The following ATP2B2 variants were observed in gnomAD, a reference collection of about 807,000 sequenced individuals.
ATP2B2 encodes ATPase plasma membrane Ca2+ transporting 2.
ATP2B2 carries 15 observed loss-of-function variants against 120.0 expected under a neutral mutation model. The observed-to-expected ratio is 0.12, with a 90% CI of 0.08 to 0.19. The LOEUF (loss-of-function observed/expected upper bound fraction) is 0.19, where lower values mean the gene tolerates loss of function less well. Among genes scored for constraint, ATP2B2 ranks in the 10% least tolerant of loss-of-function variants. The probability of loss-of-function intolerance (pLI) is 1.00; values close to 1 mark genes in which losing one functional copy is unlikely to be tolerated. For missense variants in ATP2B2, 1,045 were observed against 1,719.8 expected, an observed-to-expected ratio of 0.61 and a Z score of 6.94; for synonymous variants, 694 against 700.3, an observed-to-expected ratio of 0.99 and a Z score of 0.14.
At chr3:10,610,324 G>A (rs74394942) in intron 2 of ATP2B2, among the ~76,000 whole-genome samples, 6,248 of 151,820 alleles carry the variant, frequency 0.041, 197 homozygotes, top group South Asian at 0.083. Flanking sequence ...GCTCACTCAC[G>A]GCTGGCCTCT....
chr3:10,367,142 C>T (rs1307153615), intron 12 of ATP2B2, among the ~76,000 whole-genome samples: 1 of 152,180 alleles, frequency 6.6e-6, no homozygotes, highest in Non-Finnish European at 1.5e-5. Flanking sequence ...CCATTTCTCC[C>T]AGCCTCACCT....
intron 2 of ATP2B2, among the ~76,000 whole-genome samples, chr3:10,594,858 T>A (rs2068728160): frequency 6.6e-6 from 1 of 152,168 alleles, no homozygotes; most frequent in Non-Finnish European, 1.5e-5. Context: ...ATCACCCCCA[T>A]TTTATAGATG....
rs2071214516 is a variant in ATP2B2 at position 10,675,353 on chromosome 3, T to C, written c.-460+32562A>G. On this transcript the variant is annotated intron_variant, in intron 1 of 21. Transcript: ENST00000646379. ...AATGGAATCGTTGACCACGTTCCCTTGTGGGTTTGCCTTCTTTCATTCACC... is the reference window on the plus strand; with the variant it reads ...AATGGAATCGTTGACCACGTTCCCTCGTGGGTTTGCCTTCTTTCATTCACC... 2.0e-5 allele frequency among the ~76,000 whole-genome samples: 3 copies of C among 152,242 alleles called. No individual in the cohort carries two copies. In the South Asian group the frequency reaches 6.2e-4, roughly 31 times the overall value.
chr3:10,626,482 G>C (rs979614003), intron 1 of ATP2B2: 1 of 152,230 alleles, frequency 6.6e-6, no homozygotes, highest in African/African-American at 2.4e-5. Context: ...TGCTTAGTGA[G>C]AACCTGGTGA....
intron 2 of ATP2B2, among the ~76,000 whole-genome samples, chr3:10,435,213 A>G (rs781241819): frequency 8.5e-5 from 13 of 152,052 alleles, no homozygotes; most frequent in Non-Finnish European, 1.5e-4. Flanking sequence ...TCACCCCCCA[A>G]CCGGACCATT....
chr3:10,479,942 A>G (rs2065345104), intron 1 of ATP2B2, among the ~76,000 whole-genome samples: 1 of 152,160 alleles, frequency 6.6e-6, no homozygotes, highest in Non-Finnish European at 1.5e-5. Flanking sequence ...AAAAATTACA[A>G]AAATTAGCCA....
chr3:10,549,975 T>C (rs757682213), intron 2 of ATP2B2, among the ~76,000 whole-genome samples: 75 of 152,364 alleles, frequency 4.9e-4, no homozygotes, highest in Middle Eastern at 6.8e-3. Flanking sequence ...TAAGGCCACA[T>C]AGCAAGAAAA....
Position 10,360,118 on chromosome 3 carries a change from T to C in ATP2B2, c.1665A>G (p.Pro555=), listed in dbSNP as rs1354919808. The part of the protein sequence containing the change: ...NSAYTTKILP[P]EKEGALPRQV... ...GCCGAGGCAGGGCGCCCTCCTTCTC[T>C]GGGGGCTGCAGAGAGAGGAAGGAGC... is the stretch of plus-strand genomic sequence containing the variant. The change falls in exon 13 of 23, where the codon CCA becomes CCG. Residue 555 remains proline (P), a synonymous_variant. Transcript: ENST00000360273. 3.8e-6 allele frequency: 6 copies of C among 1,594,636 alleles called. No homozygotes were observed. Among genetic ancestry groups the C allele is most frequent in the Non-Finnish European group, 5.1e-6 (6 of 1,167,720 alleles).
At chr3:10,331,235 A>T (rs2059970564) in intron 22 of ATP2B2, among the ~76,000 whole-genome samples, 1 of 152,180 alleles carries the variant, frequency 6.6e-6, no homozygotes, top group Admixed American at 6.5e-5. Context: ...CTCTGCAGAG[A>T]TGGTTCATAT....
At chr3:10,611,015 G>A (rs1168246919) in intron 2 of ATP2B2, among the ~76,000 whole-genome samples, 1 of 152,202 alleles carries the variant, frequency 6.6e-6, no homozygotes, top group Non-Finnish European at 1.5e-5. Flanking sequence ...ACTCAACCAG[G>A]ATGCACCCTT....
intron 1 of ATP2B2, among the ~76,000 whole-genome samples, chr3:10,683,074 C>G (rs1004467152): frequency 6.6e-6 from 1 of 151,942 alleles, no homozygotes; most frequent in Admixed American, 6.6e-5. Flanking sequence ...TGTATGTGTA[C>G]TTCACCTCCA....
chr3:10,594,685 G>A (rs2068721355), intron 2 of ATP2B2, among the ~76,000 whole-genome samples: 1 of 149,256 alleles, frequency 6.7e-6, no homozygotes, highest in African/African-American at 2.5e-5. Context: ...CCTGCACGTT[G>A]TGCACATGTA....
At position 10,331,576 on chromosome 3, in the gene ATP2B2, G is replaced by A. The variant is rs1316999655; in HGVS notation, c.3421-2451C>T. ...CTGCTCTGGACAAGACTGTGGGGACGAGACTTTTTGGGACACCCCGCCACG... is the reference window on the plus strand; with the variant it reads ...CTGCTCTGGACAAGACTGTGGGGACAAGACTTTTTGGGACACCCCGCCACG... On this transcript the variant is annotated intron_variant, in intron 22 of 22. Transcript: ENST00000360273. 6.6e-5 allele frequency among the ~76,000 whole-genome samples: 10 copies of A among 151,896 alleles called. No homozygotes were observed. In the East Asian group the frequency reaches 1.4e-3, roughly 21 times the overall value.
At chr3:10,648,761 C>T (rs2125661981) in intron 1 of ATP2B2, among the ~76,000 whole-genome samples, 1 of 152,316 alleles carries the variant, frequency 6.6e-6, no homozygotes, top group South Asian at 2.1e-4. Context: ...ACACTTCTCC[C>T]AGCACCAAAT....
chr3:10,388,589 T>C (rs2061752769), intron 5 of ATP2B2, among the ~76,000 whole-genome samples, 187 bp from the exon 6 acceptor site: 2 of 152,196 alleles, frequency 1.3e-5, no homozygotes. Flanking sequence ...CTCAGGACAG[T>C]GCTGGGGTGG....
intron 1 of ATP2B2, among the ~76,000 whole-genome samples, chr3:10,681,531 C>G (rs1575618566): frequency 6.6e-6 from 1 of 152,254 alleles, no homozygotes; most frequent in East Asian, 1.9e-4. Flanking sequence ...CTCACCTGTT[C>G]ATGCAAACAT....
intron 1 of ATP2B2, among the ~76,000 whole-genome samples, chr3:10,467,910 G>A (rs1299763277): frequency 6.6e-6 from 1 of 152,192 alleles, no homozygotes; most frequent in Non-Finnish European, 1.5e-5. Flanking sequence ...CTGATCCCAG[G>A]AAGGTACCCT....
chr3:10,609,249 G>A (rs146941306), intron 2 of ATP2B2, among the ~76,000 whole-genome samples: 204 of 151,636 alleles, frequency 1.3e-3, no homozygotes, highest in African/African-American at 4.6e-3. Flanking sequence ...CCTGTGCCCT[G>A]GGCTCTGGGA....
exon 1 of ATP2B2, chr3:10,707,947 C>CGACGCT: frequency 6.7e-6 from 1 of 148,884 alleles, no homozygotes; most frequent in South Asian, 1.8e-4. Context: ...ATGCTGCCGC[C>CGACGCT]GCCGCTGCCG....
Sources: gnomAD v4.1 joint callset for allele counts (sites outside exome capture counted in the v4.1 genomes callset) on GRCh38, gnomAD v4.1.1 for gene constraint, MANE v1.5 for transcripts, NCBI Gene and HGNC (gene_info 2026-07-23, HGNC 2026-07-21) for gene names.